TRPC6: variants seen among roughly 807,000 people sequenced by gnomAD.
TRPC6 encodes the protein short transient receptor potential channel 6.
In TRPC6, 55 loss-of-function variants were observed where a neutral mutation model predicts 90.7. The observed-to-expected ratio is 0.61, with a 90% CI of 0.49 to 0.76. TRPC6 has a LOEUF of 0.76. TRPC6 is among the 30% of genes least tolerant of loss of function. The pLI, the probability that TRPC6 is intolerant of heterozygous loss-of-function variation, is 0.00. For missense variants in TRPC6, 989 were observed against 1,122.7 expected (o/e 0.88, Z 1.70); for synonymous variants, 393 against 393.0 (o/e 1.00, Z 0.00).
At chr11:101,498,231 T>C (rs891596318) in intron 2 of TRPC6, among the ~76,000 whole-genome samples, 2 of 152,208 alleles carry the variant, frequency 1.3e-5, no homozygotes, top group Non-Finnish European at 2.9e-5. Context: ...CAAAATTGTC[T>C]TAACCCAATT....
intron 9 of TRPC6, 123 bp downstream of exon 9, chr11:101,471,060 G>C: frequency 1.1e-6 from 1 of 889,028 alleles, no homozygotes; most frequent in Admixed American, 2.0e-5. Context: ...TGTGTGAAGT[G>C]ACTGCATATG....
At chr11:101,497,861 C>A (rs956321607) in intron 2 of TRPC6, among the ~76,000 whole-genome samples, 2 of 152,016 alleles carry the variant, frequency 1.3e-5, no homozygotes, top group African/African-American at 4.8e-5. Context: ...CATTGCCCCC[C>A]ACCCCCTGAC....
chr11:101,463,573 T>C (rs912331736), intron 10 of TRPC6, among the ~76,000 whole-genome samples: 7 of 152,250 alleles, frequency 4.6e-5, no homozygotes, highest in African/African-American at 1.4e-4. Flanking sequence ...CCATTTCTTC[T>C]AGATTTTCTA....
chr11:101,497,492 C>T (rs1048593354), intron 2 of TRPC6, among the ~76,000 whole-genome samples: 5 of 152,230 alleles, frequency 3.3e-5, no homozygotes, highest in Admixed American at 6.5e-5. Flanking sequence ...AACATAGCAA[C>T]GGTCTAAAAA....
intron 1 of TRPC6, among the ~76,000 whole-genome samples, chr11:101,520,937 T>C (rs1860644317): frequency 6.6e-6 from 1 of 152,118 alleles, no homozygotes; most frequent in African/African-American, 2.4e-5. Flanking sequence ...CTCATATGCA[T>C]GAGCAAAGGA....
At chr11:101,548,476 A>ATATATATATATC (rs1555011220) in intron 1 of TRPC6, among the ~76,000 whole-genome samples, 6 of 112,134 alleles carry the variant, frequency 5.4e-5, no homozygotes, top group African/African-American at 1.1e-4. Context: ...ATATATATAT[A>ATATATATATATC]TCTCTCTCTC....
At chr11:101,477,358 T>A (rs897026446) in intron 5 of TRPC6, among the ~76,000 whole-genome samples, 5 of 152,028 alleles carry the variant, frequency 3.3e-5, no homozygotes, top group Non-Finnish European at 7.4e-5. Flanking sequence ...GAACATTTAA[T>A]CTTTGTGCCT....
intron 1 of TRPC6, among the ~76,000 whole-genome samples, chr11:101,545,703 A>G (rs1232369976): frequency 6.6e-6 from 1 of 152,218 alleles, no homozygotes; most frequent in African/African-American, 2.4e-5. Context: ...TAGCTAACAC[A>G]TTAGGAGTTG....
intron 1 of TRPC6, among the ~76,000 whole-genome samples, chr11:101,558,316 T>C (rs1269617324): frequency 1.4e-5 from 2 of 140,756 alleles, no homozygotes; most frequent in African/African-American, 2.6e-5. Flanking sequence ...CATGTATATA[T>C]GTATACATGT....
intron 1 of TRPC6, among the ~76,000 whole-genome samples, chr11:101,531,766 TTA>T (rs2136799464): frequency 6.6e-6 from 1 of 152,304 alleles, no homozygotes; most frequent in Non-Finnish European, 1.5e-5. Flanking sequence ...AGTATTGACA[TTA>T]TATATTACAT....
chr11:101,529,626 A>C (rs1860862660), intron 1 of TRPC6, among the ~76,000 whole-genome samples: 1 of 152,244 alleles, frequency 6.6e-6, no homozygotes, highest in Non-Finnish European at 1.5e-5. Flanking sequence ...CTTATTTATG[A>C]AATACAGATA....
intron 1 of TRPC6, chr11:101,519,983 A>G (rs1860617637): frequency 6.6e-6 from 1 of 151,894 alleles, no homozygotes; most frequent in South Asian, 2.1e-4. Context: ...ACTTTTCTCT[A>G]CCCTCTGCCT....
intron 1 of TRPC6, among the ~76,000 whole-genome samples, chr11:101,515,899 G>A (rs748718799): frequency 6.6e-6 from 1 of 151,978 alleles, no homozygotes; most frequent in Admixed American, 6.6e-5. Context: ...CTAGGAGGAT[G>A]GAAATTGATA....
intron 1 of TRPC6, among the ~76,000 whole-genome samples, chr11:101,534,075 T>G (rs912987555): frequency 6.6e-6 from 1 of 152,138 alleles, no homozygotes; most frequent in East Asian, 1.9e-4. Context: ...GTTCTTATCC[T>G]TCCTCAATGA....
intron 1 of TRPC6, among the ~76,000 whole-genome samples, chr11:101,505,298 T>G (rs1388722385): frequency 6.6e-6 from 1 of 152,136 alleles, no homozygotes; most frequent in Non-Finnish European, 1.5e-5. Context: ...AAATAGATGC[T>G]TTTTCCTGCC....
intron 1 of TRPC6, among the ~76,000 whole-genome samples, chr11:101,509,130 C>CTTT: frequency 1.5e-5 from 2 of 137,412 alleles, no homozygotes; most frequent in Admixed American, 7.0e-5. Flanking sequence ...GTTGTTTTGT[C>CTTT]TTTTTCTTTT....
At chr11:101,577,096 T>A (rs1353845670) in intron 1 of TRPC6, among the ~76,000 whole-genome samples, 1 of 152,050 alleles carries the variant, frequency 6.6e-6, no homozygotes, top group African/African-American at 2.4e-5. Context: ...GGAGCCAGAT[T>A]TGAAGGTGGT....
intron 1 of TRPC6, among the ~76,000 whole-genome samples, chr11:101,574,620 C>T (rs1862035778): frequency 6.6e-6 from 1 of 151,160 alleles, no homozygotes; most frequent in Non-Finnish European, 1.5e-5. Context: ...AGGGTTCCTG[C>T]AGAAATCCCT....
At chr11:101,549,026 T>C (rs2136837414) in intron 1 of TRPC6, among the ~76,000 whole-genome samples, 1 of 151,000 alleles carries the variant, frequency 6.6e-6, no homozygotes, top group Non-Finnish European at 1.5e-5. Flanking sequence ...TGTTTTTTTT[T>C]GATGTTTCAT....
Sources: gnomAD v4.1 joint callset for allele counts (sites outside exome capture counted in the v4.1 genomes callset) on GRCh38, gnomAD v4.1.1 for gene constraint, MANE v1.5 for transcripts, NCBI Gene and HGNC (gene_info 2026-07-23, HGNC 2026-07-21) for gene names.